Variants in KIF26B observed in about 807,000 individuals in gnomAD.
KIF26B encodes the protein kinesin-like protein KIF26B.
In KIF26B, 63 loss-of-function variants were observed where a neutral mutation model predicts 151.2. The ratio of observed to expected loss-of-function variants is 0.42; its 90% CI spans 0.34 to 0.51. The LOEUF (loss-of-function observed/expected upper bound fraction) is 0.51, where lower values mean the gene tolerates loss of function less well. Among genes scored for constraint, KIF26B ranks in the 20% least tolerant of loss-of-function variants. The pLI is 0.07. For synonymous variants in KIF26B, 1,357 were observed against 1,262.1 expected, an observed-to-expected ratio of 1.08 and a Z score of -1.59; for missense variants, 2,813 against 2,913.6, an observed-to-expected ratio of 0.97 and a Z score of 0.79.
At chr1:245,338,675 C>CT (rs1672280546) in intron 2 of KIF26B, among the ~76,000 whole-genome samples, 1 of 152,202 alleles carries the variant, frequency 6.6e-6, no homozygotes, top group Admixed American at 6.5e-5. Context: ...AGCTCTGAGT[C>CT]TTTTCTGCTT....
Position 245,702,643 on chromosome 1 carries a change from C to T in KIF26B, c.*37C>T. 1 of 1,600,440 alleles carries T rather than the reference C, an allele frequency of 6.2e-7. No homozygotes were observed. Among genetic ancestry groups the T allele is most frequent in the Non-Finnish European group, 8.5e-7 (1 of 1,172,316 alleles). ...CCTTGTCCTAGTGGTCCCCCGCTCCCCAGGACTTCAGAGATGTTGCACGCC... is the reference window on the plus strand; with the variant it reads ...CCTTGTCCTAGTGGTCCCCCGCTCCTCAGGACTTCAGAGATGTTGCACGCC... On this transcript the variant is annotated 3_prime_UTR_variant, in exon 15 of 15. Transcript: ENST00000407071. The surrounding 1 kb of genome is among the most constrained non-coding windows in gnomAD (Gnocchi z 4.1).
chr1:245,187,702 G>T (rs1669023812), intron 2 of KIF26B, among the ~76,000 whole-genome samples: 1 of 152,170 alleles, frequency 6.6e-6, no homozygotes, highest in East Asian at 1.9e-4. Flanking sequence ...TTCTGAGTGG[G>T]TTTGAGTAAT....
At chr1:245,530,183 A>G (rs371683915) in intron 4 of KIF26B, among the ~76,000 whole-genome samples, 5 of 152,344 alleles carry the variant, frequency 3.3e-5, no homozygotes, top group African/African-American at 9.6e-5. Flanking sequence ...AGGCAATAAC[A>G]AATGCTGGTG....
intron 2 of KIF26B, among the ~76,000 whole-genome samples, chr1:245,308,561 T>A (rs1671602778): frequency 6.6e-6 from 1 of 152,084 alleles, no homozygotes; most frequent in African/African-American, 2.4e-5. Flanking sequence ...ACCTTGCTTC[T>A]ACAAAATACA....
chr1:245,265,031 C>T (rs1392069333), intron 2 of KIF26B, among the ~76,000 whole-genome samples: 2 of 151,354 alleles, frequency 1.3e-5, no homozygotes, highest in African/African-American at 4.9e-5. Context: ...AACCCCGTCT[C>T]TACTAAAAAT....
intron 2 of KIF26B, chr1:245,206,870 T>C (rs1451716465): frequency 6.6e-6 from 1 of 152,230 alleles, no homozygotes; most frequent in African/African-American, 2.4e-5. Flanking sequence ...TTTTCTGTTT[T>C]TAAAAGTAAT....
Position 245,451,585 on chromosome 1 carries a change from C to CTTTTTTTTT in KIF26B, c.1166+31860_1166+31868dup, listed in dbSNP as rs58192966. ...TATAATATGTATCCAGAAGATCTAT[C>CTTTTTTTTT]TTTTTTTTTTTTTTTTTTTTTTTTT... On this transcript the variant is annotated intron_variant, in intron 4 of 14. Transcript: ENST00000407071. 7.4e-3 allele frequency among the ~76,000 whole-genome samples: 432 copies of CTTTTTTTTT among 58,736 alleles called. 23 individuals are homozygous for CTTTTTTTTT. Among genetic ancestry groups the CTTTTTTTTT allele is most frequent in the African/African-American group, 0.013 (178 of 14,086 alleles). The allele number at this position is 58,736 out of a possible 152,430, so 38.5% of individuals were successfully genotyped here. A position where few individuals can be genotyped will look rare whatever the true frequency, so the allele number is the denominator to read the frequency against.
intron 2 of KIF26B, among the ~76,000 whole-genome samples, chr1:245,296,703 T>C (rs1671343425): frequency 1.3e-5 from 2 of 152,236 alleles, no homozygotes; most frequent in South Asian, 2.1e-4. Context: ...CTCGTCTTTA[T>C]GAACTTTCCA....
At chr1:245,259,921 C>G (rs7524807) in intron 2 of KIF26B, among the ~76,000 whole-genome samples, 1 of 138,730 alleles carries the variant, frequency 7.2e-6, no homozygotes, top group African/African-American at 2.7e-5. Flanking sequence ...AGTGACAGAG[C>G]GAGGTCCTGT....
At chr1:245,307,672 C>T (rs1671581729) in intron 2 of KIF26B, among the ~76,000 whole-genome samples, 1 of 151,840 alleles carries the variant, frequency 6.6e-6, no homozygotes, top group Non-Finnish European at 1.5e-5. Context: ...CCTTTCCTTC[C>T]CAAATCTCAT....
At chr1:245,426,704 A>G (rs1658657591) in intron 4 of KIF26B, among the ~76,000 whole-genome samples, 1 of 152,226 alleles carries the variant, frequency 6.6e-6, no homozygotes, top group South Asian at 2.1e-4. Flanking sequence ...TAGGCTGAGC[A>G]GAGAGGACTG....
intron 10 of KIF26B, among the ~76,000 whole-genome samples, chr1:245,655,648 T>C (rs1364906534): frequency 2.0e-5 from 3 of 152,198 alleles, no homozygotes; most frequent in Admixed American, 1.3e-4. Context: ...TCGATGCTGC[T>C]GCACCCCCAG....
intron 10 of KIF26B, among the ~76,000 whole-genome samples, chr1:245,646,778 T>C (rs753100290): frequency 3.3e-5 from 5 of 152,220 alleles, no homozygotes; most frequent in Non-Finnish European, 5.9e-5. Context: ...ACATGTATTT[T>C]ATCTGGCAAC....
Position 245,540,841 on chromosome 1 carries a change from C to A in KIF26B, c.1241C>A (p.Pro414Gln). ...RPSTSSAAEP[P>Q]LFATSFSGIL... ...TCCACTTCTTCCGCTGCCGAACCACCGCTCTTTGCAACCAGCTTCAGTGGG... is the reference window on the plus strand; with the variant it reads ...TCCACTTCTTCCGCTGCCGAACCACAGCTCTTTGCAACCAGCTTCAGTGGG... The change falls in exon 5 of 15, where the codon CCG becomes CAG. Residue 414 changes from proline to glutamine, a missense_variant. Coordinates refer to ENST00000407071, the MANE Select transcript of KIF26B (RefSeq NM_018012.4). This position sits in a 1 kb window ranked among gnomAD's most constrained non-coding sequence, Gnocchi z 4.6. 1.9e-6 allele frequency: 3 copies of A among 1,613,968 alleles called. No homozygotes were observed. The highest frequency in any genetic ancestry group is 2.5e-6 in the Non-Finnish European group (3 of 1,179,870).
At chr1:245,397,051 C>G (rs1230754807) in intron 3 of KIF26B, among the ~76,000 whole-genome samples, 1 of 151,458 alleles carries the variant, frequency 6.6e-6, no homozygotes, top group Non-Finnish European at 1.5e-5. Flanking sequence ...CTCTACCACC[C>G]TAGGCTCAAG....
intron 5 of KIF26B, among the ~76,000 whole-genome samples, chr1:245,565,120 G>A (rs555454661): frequency 3.3e-5 from 5 of 152,248 alleles, no homozygotes; most frequent in South Asian, 2.1e-4. Flanking sequence ...CTGGCTGAGC[G>A]AGACCCTCTC....
chr1:245,301,306 G>C (rs967490683), intron 2 of KIF26B, among the ~76,000 whole-genome samples: 1 of 152,202 alleles, frequency 6.6e-6, no homozygotes, highest in Non-Finnish European at 1.5e-5. Context: ...AACTGAGCTT[G>C]AGCAGGGATC....
chr1:245,685,659 C>A lies in KIF26B; in HGVS notation c.2676C>A (p.Ile892=), dbSNP rs377066424. The change falls in exon 12 of 15, where the codon ATC becomes ATA. Residue 892 remains isoleucine, a synonymous_variant. Transcript: ENST00000407071. The part of the protein sequence containing the change: ...DNEGPPDFVP[I]VPALQKTRGD... The stretch of plus-strand genomic sequence containing the variant: ...AGGGCCCCCCAGACTTTGTCCCTAT[C>A]GTGCCAGCCCTGCAGAAGACCCGGG... 1 of 1,613,184 alleles carries A rather than the reference C, an allele frequency of 6.2e-7. No homozygotes were observed. The highest frequency in any genetic ancestry group is 1.3e-5 in the African/African-American group (1 of 75,048).
At chr1:245,378,619 A>G (rs1419260284) in intron 3 of KIF26B, among the ~76,000 whole-genome samples, 1 of 152,220 alleles carries the variant, frequency 6.6e-6, no homozygotes, top group African/African-American at 2.4e-5. Context: ...GCCAGGGAGT[A>G]TGCAGGCTCC....
Sources: gnomAD v4.1 joint callset for allele counts (sites outside exome capture counted in the v4.1 genomes callset) on GRCh38, gnomAD v4.1.1 for gene constraint, Gnocchi (gnomAD v3.1) non-coding constraint, MANE v1.5 for transcripts, NCBI Gene and HGNC (gene_info 2026-07-23, HGNC 2026-07-21) for gene names.